HTR2C: variants seen among roughly 807,000 people sequenced by gnomAD.
HTR2C encodes 5-hydroxytryptamine (serotonin) receptor 2C, G protein-coupled.
In HTR2C, 5 loss-of-function variants were observed where a neutral mutation model predicts 21.0. The observed-to-expected ratio is 0.24, with a 90% confidence interval of 0.12 to 0.50. HTR2C has a LOEUF of 0.50. Among genes scored for constraint, HTR2C ranks in the 20% least tolerant of loss-of-function variants. The probability of loss-of-function intolerance (pLI) is 0.98; values close to 1 mark genes in which losing one functional copy is unlikely to be tolerated. For missense variants in HTR2C, 271 were observed against 371.2 expected (o/e 0.73, Z 2.22); for synonymous variants, 150 against 145.3 (o/e 1.03, Z -0.23).
intron 2 of HTR2C, among the ~76,000 whole-genome samples, chrX:114,662,709 A>G (rs1044312828): frequency 8.9e-6 from 1 of 112,155 alleles, no homozygotes; most frequent in African/African-American, 3.2e-5. Flanking sequence ...AGTGTTATAA[A>G]CAATGCTAAT....
At chrX:114,706,865 C>T (rs1932780452) in intron 2 of HTR2C, among the ~76,000 whole-genome samples, 1 of 110,612 alleles carries the variant, frequency 9.0e-6, no homozygotes, top group African/African-American at 3.3e-5. Flanking sequence ...TTTGGTAATC[C>T]AGTCAAGAAA....
chrX:114,638,681 C>G (rs1302678834), intron 2 of HTR2C, among the ~76,000 whole-genome samples: 5 of 70,180 alleles, frequency 7.1e-5, no homozygotes, highest in African/African-American at 2.6e-4. Flanking sequence ...CCCCCTCCCC[C>G]CACCCCACCA....
chrX:114,683,473 A>T (rs941442653), intron 2 of HTR2C, among the ~76,000 whole-genome samples: 25 of 110,834 alleles, frequency 2.3e-4, no homozygotes, highest in African/African-American at 7.9e-4. Context: ...TCATCCATAA[A>T]ACTTAGGTAT....
intron 4 of HTR2C, among the ~76,000 whole-genome samples, chrX:114,754,128 C>G (rs782329283): frequency 1.3e-4 from 14 of 110,815 alleles, no homozygotes; most frequent in African/African-American, 4.6e-4. Context: ...ACTTAATTAC[C>G]TCTCTAAAGG....
At chrX:114,655,376 T>C (rs1930745340) in intron 2 of HTR2C, among the ~76,000 whole-genome samples, 1 of 111,557 alleles carries the variant, frequency 9.0e-6, no homozygotes, top group Admixed American at 9.5e-5. Context: ...AATGTGCTGA[T>C]ATGTTGTAGT....
chrX:114,812,707 C>T (rs782530157), intron 4 of HTR2C, among the ~76,000 whole-genome samples: 23 of 106,600 alleles, frequency 2.2e-4, no homozygotes, highest in African/African-American at 7.6e-4. Flanking sequence ...CCAGCCTGGG[C>T]GACAGAGTGA....
chrX:114,805,832 T>TACCATATATAC (rs1472168061), intron 4 of HTR2C, among the ~76,000 whole-genome samples: 20 of 86,290 alleles, frequency 2.3e-4, no homozygotes, highest in African/African-American at 8.5e-4. Flanking sequence ...ACCATATATA[T>TACCATATATAC]ACCATATATA....
chrX:114,668,106 G>A (rs1931242931), intron 2 of HTR2C, among the ~76,000 whole-genome samples: 1 of 111,554 alleles, frequency 9.0e-6, no homozygotes, highest in African/African-American at 3.3e-5. Flanking sequence ...ATATACCTTT[G>A]ATTTACTAAG....
At chrX:114,739,131 G>A (rs2069619976) in intron 4 of HTR2C, among the ~76,000 whole-genome samples, 1 of 110,625 alleles carries the variant, frequency 9.0e-6, no homozygotes, top group African/African-American at 3.3e-5. Context: ...TATAGAAATT[G>A]ATATTACTTT....
chrX:114,888,275 CCGTAG>C (rs1556482079), intron 5 of HTR2C, among the ~76,000 whole-genome samples: 1 of 111,610 alleles, frequency 9.0e-6, no homozygotes, highest in South Asian at 3.7e-4. Context: ...AAGGGCTAGG[CCGTAG>C]CCATAGGTCT....
intron 4 of HTR2C, among the ~76,000 whole-genome samples, chrX:114,750,855 A>G (rs1456259414): frequency 8.9e-6 from 1 of 112,056 alleles, no homozygotes; most frequent in Non-Finnish European, 1.9e-5. Context: ...AGCAGACACA[A>G]TAAAAACACC....
intron 2 of HTR2C, among the ~76,000 whole-genome samples, chrX:114,631,546 TG>T (rs782047602): frequency 2.7e-5 from 3 of 111,734 alleles, no homozygotes; most frequent in Non-Finnish European, 5.6e-5. Context: ...CTGGGCAATT[TG>T]CTCATTAAGT....
intron 2 of HTR2C, among the ~76,000 whole-genome samples, chrX:114,648,543 C>T (rs781996748): frequency 1.8e-5 from 2 of 111,225 alleles, no homozygotes; most frequent in Non-Finnish European, 3.8e-5. Context: ...GCCTAGGCAA[C>T]ATAATGAAAC....
intron 1 of HTR2C, among the ~76,000 whole-genome samples, chrX:114,594,651 G>C (rs1485272259): frequency 9.0e-6 from 1 of 111,342 alleles, no homozygotes; most frequent in Non-Finnish European, 1.9e-5. Context: ...TAGCTCTAAA[G>C]GCTTCAGAAA....
At chrX:114,774,008 T>C (rs782510765) in intron 4 of HTR2C, among the ~76,000 whole-genome samples, 1 of 111,985 alleles carries the variant, frequency 8.9e-6, no homozygotes, top group Non-Finnish European at 1.9e-5. Context: ...TGTTAAATTA[T>C]TATAACCCGT....
intron 2 of HTR2C, among the ~76,000 whole-genome samples, chrX:114,669,702 A>G (rs1931300566): frequency 8.9e-6 from 1 of 112,067 alleles, no homozygotes; most frequent in Admixed American, 9.4e-5. Context: ...TCTCACTTCT[A>G]TCTTTTAAGC....
At chrX:114,893,976 A>G (rs1556483427) in intron 5 of HTR2C, among the ~76,000 whole-genome samples, 1 of 111,817 alleles carries the variant, frequency 8.9e-6, no homozygotes, top group Non-Finnish European at 1.9e-5. Flanking sequence ...TAAAACCACA[A>G]TGAGAACTGG....
At chrX:114,792,272 C>T (rs1202005888) in intron 4 of HTR2C, among the ~76,000 whole-genome samples, 2 of 110,842 alleles carry the variant, frequency 1.8e-5, no homozygotes, top group African/African-American at 6.6e-5. Flanking sequence ...TGTTCTCCCT[C>T]CCCTCACCCA....
At chrX:114,769,214 T>A (rs782603348) in intron 4 of HTR2C, among the ~76,000 whole-genome samples, 1 of 111,546 alleles carries the variant, frequency 9.0e-6, no homozygotes, top group East Asian at 2.8e-4. Flanking sequence ...GGAAATGATT[T>A]TATGCTATGA....
Sources: allele counts gnomAD v4.1 joint callset (sites outside exome capture counted in the v4.1 genomes callset), GRCh38; gene constraint gnomAD v4.1.1; transcripts MANE v1.5; gene names NCBI Gene and HGNC (gene_info 2026-07-23, HGNC 2026-07-21).